HECW2: variants seen among roughly 807,000 people sequenced by gnomAD.
HECW2 encodes the protein HECT, C2 and WW domain containing E3 ubiquitin protein ligase 2.
A neutral mutation model predicts 175.2 loss-of-function variants in HECW2; 61 were observed. That is an observed-to-expected ratio of 0.35 (90% confidence interval 0.28 to 0.43). HECW2 has a LOEUF of 0.43. HECW2 is among the 20% of genes least tolerant of loss of function. HECW2 has a pLI of 1.00. For synonymous variants in HECW2, 671 were observed against 731.0 expected (o/e 0.92, Z 1.32); for missense variants, 1,524 against 2,000.5 (o/e 0.76, Z 4.54).
chr2:196,317,148 T>C (rs1432763667), intron 10 of HECW2, 126 bp downstream of exon 10: 14 of 710,420 alleles, frequency 2.0e-5, no homozygotes, highest in Admixed American at 1.3e-4. Flanking sequence ...CTATGTCAAG[T>C]GGCAACCCCC....
chr2:196,210,474 C>T (rs1440588265), intron 28 of HECW2, among the ~76,000 whole-genome samples: 1 of 152,068 alleles, frequency 6.6e-6, no homozygotes, highest in Admixed American at 6.5e-5. Flanking sequence ...CAAGCATGCA[C>T]CACCATGACC....
At chr2:196,408,414 T>A (rs2125222140) in intron 2 of HECW2, among the ~76,000 whole-genome samples, 1 of 152,356 alleles carries the variant, frequency 6.6e-6, no homozygotes, top group Non-Finnish European at 1.5e-5. Context: ...TGTAGGGTCG[T>A]TCCCAGCTCT....
In HECW2 at chr2:196,219,303, C is replaced by A. The variant is rs970204874; in HGVS notation, c.4408+736G>T. ...GGTGATAATTTTCAGAAAATGTATT[C>A]TTTGCTTAAAATTATTTAATAAAAC... On this transcript the variant is annotated intron_variant, in intron 26 of 28. Coordinates refer to ENST00000644978, the MANE Select transcript of HECW2 (RefSeq NM_001348768.2). 2.0e-5 allele frequency among the ~76,000 whole-genome samples: 3 copies of A among 152,158 alleles called. No homozygotes were observed. The East Asian group carries it at 5.8e-4, about 29-fold the overall frequency.
intron 14 of HECW2, among the ~76,000 whole-genome samples, chr2:196,278,907 G>A (rs6738407): frequency 0.23 from 34,868 of 151,950 alleles, 4,521 homozygotes; most frequent in African/African-American, 0.34. Context: ...TTTAGGAAAT[G>A]CTCCACGAGA....
At chr2:196,406,834 A>C (rs1359024156) in intron 2 of HECW2, among the ~76,000 whole-genome samples, 1 of 152,238 alleles carries the variant, frequency 6.6e-6, no homozygotes, top group Non-Finnish European at 1.5e-5. Flanking sequence ...CCTAAACATC[A>C]CCTTGCAGAA....
intron 4 of HECW2, among the ~76,000 whole-genome samples, chr2:196,329,869 C>T (rs939351287): frequency 6.6e-6 from 1 of 152,096 alleles, no homozygotes; most frequent in African/African-American, 2.4e-5. Flanking sequence ...AATATATAAG[C>T]TTCAAAATTT....
intron 28 of HECW2, among the ~76,000 whole-genome samples, chr2:196,209,825 G>A (rs1219148577): frequency 2.0e-5 from 3 of 150,038 alleles, no homozygotes; most frequent in Non-Finnish European, 4.4e-5. Context: ...GCGCAGTGGT[G>A]CGATCTCGGC....
In HECW2 at chr2:196,427,998, T is replaced by C. The variant is rs927387413; in HGVS notation, c.292+5134A>G. On this transcript the variant is annotated intron_variant, in intron 2 of 28. Coordinates refer to ENST00000644978, the MANE Select transcript of HECW2 (RefSeq NM_001348768.2). ...ATATGTTTTCCCTCCAGATTAGAAGTGCTACAAGTCATCTGGAGTGAGTTG... is the reference window on the plus strand; with the variant it reads ...ATATGTTTTCCCTCCAGATTAGAAGCGCTACAAGTCATCTGGAGTGAGTTG... Among the ~76,000 whole-genome samples the C allele has an allele frequency of 1.1e-4, 17 of 152,194 alleles. 1 individual carries two copies. The highest frequency in any genetic ancestry group is 6.5e-5 in the Admixed American group (1 of 15,272).
intron 2 of HECW2, among the ~76,000 whole-genome samples, chr2:196,421,624 T>C (rs1695409760): frequency 6.6e-6 from 1 of 152,182 alleles, no homozygotes; most frequent in South Asian, 2.1e-4. Flanking sequence ...AAAGAATTTC[T>C]AAACCGCATG....
chr2:196,368,816 C>T (rs531009247), intron 2 of HECW2, among the ~76,000 whole-genome samples: 1 of 152,068 alleles, frequency 6.6e-6, no homozygotes, highest in Non-Finnish European at 1.5e-5. Flanking sequence ...TTCTGCTTGA[C>T]TCTTTTTAGT....
At chr2:196,572,451 A>G (rs6722264) in intron 1 of HECW2, among the ~76,000 whole-genome samples, 8,099 of 152,192 alleles carry the variant, frequency 0.053, 707 homozygotes, top group African/African-American at 0.18. Flanking sequence ...CCAAAGTGCT[A>G]GGATTACAGG....
At chr2:196,214,633 T>C (rs1232512599) in intron 28 of HECW2, among the ~76,000 whole-genome samples, 1 of 152,158 alleles carries the variant, frequency 6.6e-6, no homozygotes, top group Non-Finnish European at 1.5e-5. Context: ...AATACTTAGG[T>C]GTCTGGATGC....
intron 2 of HECW2, among the ~76,000 whole-genome samples, chr2:196,381,941 G>A (rs944311605): frequency 4.6e-5 from 7 of 152,002 alleles, no homozygotes; most frequent in African/African-American, 1.7e-4. Flanking sequence ...AGAGAAAACT[G>A]GAGACAATTT....
chr2:196,420,946 T>C (rs2125245824), intron 2 of HECW2, among the ~76,000 whole-genome samples: 1 of 152,294 alleles, frequency 6.6e-6, no homozygotes, highest in African/African-American at 2.4e-5. Context: ...AGAAAGTGAT[T>C]GGAATGAAAA....
At chr2:196,258,631 ACTATTTTC>A (rs1315263489) in intron 17 of HECW2, among the ~76,000 whole-genome samples, 3 of 152,120 alleles carry the variant, frequency 2.0e-5, no homozygotes, top group African/African-American at 7.2e-5. Flanking sequence ...TCATCATGTC[ACTATTTTC>A]AATTTGTTAT....
chr2:196,547,456 T>C (rs1265847436), intron 1 of HECW2, among the ~76,000 whole-genome samples: 1 of 152,238 alleles, frequency 6.6e-6, no homozygotes, highest in Non-Finnish European at 1.5e-5. Flanking sequence ...GGCAAAGTCA[T>C]AGACTCTATC....
intron 2 of HECW2, among the ~76,000 whole-genome samples, chr2:196,418,141 T>C (rs1695304668): frequency 6.6e-6 from 1 of 152,048 alleles, no homozygotes; most frequent in African/African-American, 2.4e-5. Flanking sequence ...CTTCTTTTTT[T>C]TTTTTGAGAT....
chr2:196,416,556 G>A lies in HECW2; in HGVS notation c.292+16576C>T, dbSNP rs556201776. 1.1e-4 allele frequency among the ~76,000 whole-genome samples: 16 copies of A among 152,212 alleles called. 1 individual carries two copies. In the South Asian group the frequency reaches 3.3e-3, roughly 32 times the overall value. On this transcript the variant is annotated intron_variant, in intron 2 of 28. Coordinates refer to ENST00000644978, the MANE Select transcript of HECW2 (RefSeq NM_001348768.2). ...TGGAGGATCAGATTCATGTTCAGTG[G>A]GAGGCCCAGTAAATGCCCATTTAAC...
At chr2:196,397,774 T>C (rs1021678763) in intron 2 of HECW2, among the ~76,000 whole-genome samples, 1 of 152,230 alleles carries the variant, frequency 6.6e-6, no homozygotes, top group African/African-American at 2.4e-5. Context: ...ACCAACTGTT[T>C]AGATATCATT....
Sources: allele counts gnomAD v4.1 joint callset (sites outside exome capture counted in the v4.1 genomes callset), GRCh38; gene constraint gnomAD v4.1.1; transcripts MANE v1.5; gene names NCBI Gene and HGNC (gene_info 2026-07-23, HGNC 2026-07-21).